The following DBNL variants were observed in gnomAD, a reference collection of about 807,000 sequenced individuals.
DBNL encodes the protein drebrin-like protein.
DBNL carries 35 observed loss-of-function variants against 62.2 expected under a neutral mutation model. That is an observed-to-expected ratio of 0.56 (90% confidence interval 0.43 to 0.75). The LOEUF is 0.75. Among genes scored for constraint, DBNL ranks in the 30% least tolerant of loss-of-function variants. The probability of loss-of-function intolerance (pLI) is 0.00; values close to 1 mark genes in which losing one functional copy is unlikely to be tolerated. For synonymous variants in DBNL, 197 were observed against 218.0 expected, an observed-to-expected ratio of 0.90 and a Z score of 0.85; for missense variants, 495 against 578.4, an observed-to-expected ratio of 0.86 and a Z score of 1.48.
intron 1 of DBNL, among the ~76,000 whole-genome samples, chr7:44,046,076 T>G (rs2128788290): frequency 6.6e-6 from 1 of 152,328 alleles, no homozygotes; most frequent in South Asian, 2.1e-4. Flanking sequence ...AGCCCTCTGT[T>G]TTGCCTCTCT....
Position 44,060,195 on chromosome 7 carries a change from G to A in DBNL, c.1153+42G>A. 1 of 1,552,472 alleles carries A rather than the reference G, an allele frequency of 6.4e-7. No homozygotes were observed. Among genetic ancestry groups the A allele is most frequent in the Admixed American group, 1.7e-5 (1 of 57,556 alleles). ...TGGCTGGCACAGACCACAGGGTCCT[G>A]AGGTTAGGAGACAAGAGGGTCTGGG... On this transcript the variant is annotated intron_variant, in intron 12 of 12. Transcript: ENST00000448521. This position sits in a 1 kb window ranked among gnomAD's most constrained non-coding sequence, Gnocchi z 6.3.
In DBNL at chr7:44,059,329, T is replaced by C. The variant is rs1298707093; in HGVS notation, c.836-25T>C. The C allele has an allele frequency of 6.2e-7, 1 of 1,611,934 alleles. No homozygotes were observed. The highest frequency in any genetic ancestry group is 8.5e-7 in the Non-Finnish European group (1 of 1,178,558). ...GTGTGTGGTGGTGTTTCTGAAGTGA[T>C]GTATATATTTACCCGGGTTTGCAGG... On this transcript the variant is annotated intron_variant, in intron 9 of 12. Coordinates refer to ENST00000448521, the MANE Select transcript of DBNL (RefSeq NM_001014436.3). The surrounding 1 kb of genome is among the most constrained non-coding windows in gnomAD (Gnocchi z 4.1).
chr7:44,049,291 G>A (rs1356105202), intron 1 of DBNL, among the ~76,000 whole-genome samples: 1 of 152,146 alleles, frequency 6.6e-6, no homozygotes. Flanking sequence ...TGAGTAGCTG[G>A]GACTACAGGT....
rs1397477009 is a variant in DBNL, at chr7:44,066,872, G to C, written c.*5956G>C. The C allele has an allele frequency of 1.3e-5, 2 of 152,330 alleles. No individual in the cohort carries two copies. Among genetic ancestry groups the C allele is most frequent in the Non-Finnish European group, 2.9e-5 (2 of 68,106 alleles). 9.4% of individuals were successfully genotyped at this position (152,330 alleles called of 1,614,324 possible). On this transcript the variant is annotated 3_prime_UTR_variant, in exon 13 of 13. Coordinates refer to ENST00000448521, the MANE Select transcript of DBNL (RefSeq NM_001014436.3). ...CTGTTCCACACTGATCCTGATTGAA[G>C]CCACATCTCCTCATCTGCTTTTGTC... is the stretch of plus-strand genomic sequence containing the variant.
In DBNL at chr7:44,060,114, C is replaced by T; in HGVS notation, c.1114C>T (p.Gln372Ter). Residue 372 changes from glutamine (Q) to a stop codon, truncating the protein, a stop_gained, in exon 12 of 13, where the codon CAA becomes TAA. Transcript: ENST00000448521. LOFTEE classifies it high-confidence loss of function. The surrounding 1 kb of genome is among the most constrained non-coding windows in gnomAD (Gnocchi z 6.3). ...HHIQGQGLSG[Q>*]GLCARALYDY... The stretch of plus-strand genomic sequence containing the variant: ...CATTCAGGGCCAGGGGCTCAGTGGG[C>T]AAGGGCTCTGTGCCCGTGCCCTGTA... 2 of 1,613,574 alleles carry T rather than the reference C, an allele frequency of 1.2e-6. No homozygotes were observed. The highest frequency in any genetic ancestry group is 8.5e-7 in the Non-Finnish European group (1 of 1,179,864).
intron 8 of DBNL, 156 bp from the exon 9 acceptor site, chr7:44,058,746 A>G: frequency 1.1e-6 from 1 of 899,498 alleles, no homozygotes; most frequent in Non-Finnish European, 1.7e-6. Context: ...GTTACTTTTT[A>G]TTTTTAAATG....
Position 44,056,858 on chromosome 7 carries a change from CA to C in DBNL, c.431del (p.Lys144ArgfsTer138). ...CTTCAGGTGCCAACTACAGCTTTCA[CA>C]AGGAGAGTGGCCGCTTCCAGGACGT... ...KASGANYSFH[K>X]ESGRFQDVGP... On this transcript the variant is annotated frameshift_variant, in exon 5 of 13. Transcript: ENST00000448521. LOFTEE classifies it high-confidence loss of function. The C allele has an allele frequency of 6.2e-7, 1 of 1,614,168 alleles. No individual in the cohort carries two copies. The highest frequency in any genetic ancestry group is 8.5e-7 in the Non-Finnish European group (1 of 1,180,030).
chr7:44,062,672 C>T lies in DBNL; in HGVS notation c.*1756C>T. 1 of 1,409,056 alleles carries T rather than the reference C, an allele frequency of 7.1e-7. No homozygotes were observed. The highest frequency in any genetic ancestry group is 9.9e-7 in the Non-Finnish European group (1 of 1,010,864). 87.3% of individuals were successfully genotyped at this position (1,409,056 alleles called of 1,614,324 possible). On this transcript the variant is annotated 3_prime_UTR_variant, in exon 13 of 13. Transcript: ENST00000448521. ...TGGCTGCACCCCTGGTTCTGGAGTC[C>T]CCACAGCTGATGGCGGTGTGAGCCT...
intron 4 of DBNL, among the ~76,000 whole-genome samples, chr7:44,055,025 T>G (rs1413234847): frequency 2.6e-5 from 4 of 152,230 alleles, no homozygotes; most frequent in African/African-American, 9.6e-5. Context: ...TCTTTACCCT[T>G]TCATCCATTG....
rs2096139998 is a variant in DBNL at position 44,058,124 on chromosome 7, T to C, written c.553-5T>C. ...GGGCTGAGCGGGCAGTGGCTCTCCCTGCAGAAGGAGGAGGAGAACCGTCGG... is the reference window on the plus strand; with the variant it reads ...GGGCTGAGCGGGCAGTGGCTCTCCCCGCAGAAGGAGGAGGAGAACCGTCGG... On this transcript the variant is annotated splice_polypyrimidine_tract_variant and splice_region_variant and intron_variant, in intron 6 of 12. Transcript: ENST00000448521. 1 of 1,554,014 alleles carries C rather than the reference T, an allele frequency of 6.4e-7. No homozygotes were observed. The highest frequency in any genetic ancestry group is 8.7e-7 in the Non-Finnish European group (1 of 1,148,922).
At position 44,062,473 on chromosome 7, in the gene DBNL, C is replaced by T. The variant is rs982747760; in HGVS notation, c.*1557C>T. The T allele has an allele frequency of 2.0e-5, 9 of 451,304 alleles. No individual in the cohort carries two copies. Among genetic ancestry groups the T allele is most frequent in the East Asian group, 1.4e-4 (3 of 22,198 alleles). The allele number at this position is 451,304 out of a possible 1,614,324, so 28.0% of individuals were successfully genotyped here. On this transcript the variant is annotated 3_prime_UTR_variant, in exon 13 of 13. Coordinates refer to ENST00000448521, the MANE Select transcript of DBNL (RefSeq NM_001014436.3). ...GGCCTCTTCTAACTGGCCCCAAGCA[C>T]GCCAATTCTGGAGCATGGTTACTAA...
In DBNL at chr7:44,060,220, G is replaced by A. The variant is rs922478842; in HGVS notation, c.1153+67G>A. On this transcript the variant is annotated intron_variant, in intron 12 of 12. Coordinates refer to ENST00000448521, the MANE Select transcript of DBNL (RefSeq NM_001014436.3). The surrounding 1 kb of genome is among the most constrained non-coding windows in gnomAD (Gnocchi z 6.3). The stretch of plus-strand genomic sequence containing the variant: ...GAGGTTAGGAGACAAGAGGGTCTGG[G>A]GTTTTATGGGAAGATGGCACCAGGG... The A allele has an allele frequency of 2.1e-6, 3 of 1,435,554 alleles. No homozygotes were observed. 88.9% of individuals were successfully genotyped at this position (1,435,554 alleles called of 1,614,324 possible). A position where few individuals can be genotyped will look rare whatever the true frequency, so the allele number is the denominator to read the frequency against.
intron 3 of DBNL, 26 bp downstream of exon 3, chr7:44,051,968 T>C (rs181838555): frequency 6.2e-7 from 1 of 1,603,972 alleles, no homozygotes; most frequent in East Asian, 2.2e-5. Flanking sequence ...TTCATCTAGG[T>C]GTGACCCAGG....
rs1434024178 is a variant in DBNL, at chr7:44,067,282, C to T, written c.*6366C>T. ...ATGGCAGAGAGGTGGGCTTTGTGTC[C>T]CAACACAGTGGGAATCACTGGAGAC... On this transcript the variant is annotated 3_prime_UTR_variant, in exon 13 of 13. Transcript: ENST00000448521. The T allele has an allele frequency of 6.6e-6, 1 of 152,212 alleles. No individual in the cohort carries two copies. The highest frequency in any genetic ancestry group is 2.4e-5 in the African/African-American group (1 of 41,424). The allele number at this position is 152,212 out of a possible 1,614,324, so 9.4% of individuals were successfully genotyped here.
In DBNL at chr7:44,065,342, G is replaced by A; in HGVS notation, c.*4426G>A. On this transcript the variant is annotated 3_prime_UTR_variant, in exon 13 of 13. Coordinates refer to ENST00000448521, the MANE Select transcript of DBNL (RefSeq NM_001014436.3). ...CAGGATGGCCCAGAGGGTGCGGATG[G>A]CCCGCTTCAGCACTGACGTGTAGCA... The A allele has an allele frequency of 6.2e-7, 1 of 1,613,694 alleles. No homozygotes were observed. The highest frequency in any genetic ancestry group is 8.5e-7 in the Non-Finnish European group (1 of 1,180,034).
rs370887667 is a variant in DBNL, at chr7:44,063,276, C to CTTTTCT, written c.*2377_*2382dup. The CTTTTCT allele has an allele frequency of 1.5e-5, 5 of 335,050 alleles. No homozygotes were observed. The highest frequency in any genetic ancestry group is 4.3e-5 in the African/African-American group (2 of 46,612). The allele number at this position is 335,050 out of a possible 1,614,324, so 20.8% of individuals were successfully genotyped here. ...CACTCACCCTTTGTTTTTTTTTTTT[C>CTTTTCT]TTTTCTTTTTCTTTTTCTTTTTTTT... On this transcript the variant is annotated 3_prime_UTR_variant, in exon 13 of 13. Transcript: ENST00000448521.
At position 44,065,241 on chromosome 7, in the gene DBNL, C is replaced by A; in HGVS notation, c.*4325C>A. 1 of 1,613,968 alleles carries A rather than the reference C, an allele frequency of 6.2e-7. No homozygotes were observed. Among genetic ancestry groups the A allele is most frequent in the African/African-American group, 1.3e-5 (1 of 75,066 alleles). On this transcript the variant is annotated 3_prime_UTR_variant, in exon 13 of 13. Transcript: ENST00000448521. ...GCGGCCGTTTCTGCCTTGTTGAGGC[C>A]TGTGAGGCCCCCGTAATGCCGCTCA...
chr7:44,049,987 C>A, intron 1 of DBNL: 1 of 477,730 alleles, frequency 2.1e-6, no homozygotes, highest in Non-Finnish European at 3.9e-6. Flanking sequence ...CCTCACAACC[C>A]CCACCCCATG....
chr7:44,045,009 C>A lies in DBNL; in HGVS notation c.83+189C>A, dbSNP rs191649320. 2.9e-5 allele frequency: 15 copies of A among 513,770 alleles called. 1 individual carries two copies. In the South Asian group the frequency reaches 5.2e-4, roughly 18 times the overall value. The allele number at this position is 513,770 out of a possible 1,614,324, so 31.8% of individuals were successfully genotyped here. On this transcript the variant is annotated intron_variant, in intron 1 of 12. Transcript: ENST00000448521. ...GCTGTCTCACCCTCGTGACCCCTTG[C>A]CCCGCCGATCGTGGACAGGTTAAAC... is the stretch of plus-strand genomic sequence containing the variant.
Sources: allele counts gnomAD v4.1 joint callset (sites outside exome capture counted in the v4.1 genomes callset), GRCh38; gene constraint gnomAD v4.1.1; non-coding constraint Gnocchi (gnomAD v3.1); transcripts MANE v1.5; gene names NCBI Gene and HGNC (gene_info 2026-07-23, HGNC 2026-07-21).